C6: variants seen among roughly 807,000 people sequenced by gnomAD.
C6 encodes complement C6, also known as complement component C6.
In C6, 101 loss-of-function variants were observed where a neutral mutation model predicts 112.9. The ratio of observed to expected loss-of-function variants is 0.89; its 90% CI spans 0.76 to 1.06. The LOEUF (loss-of-function observed/expected upper bound fraction) is 1.06, where lower values mean the gene tolerates loss of function less well. C6 is among the 50% of genes least tolerant of loss of function. The pLI, the probability that C6 is intolerant of heterozygous loss-of-function variation, is 0.00. For synonymous variants in C6, 431 were observed against 384.1 expected, an observed-to-expected ratio of 1.12 and a Z score of -1.43; for missense variants, 1,202 against 1,104.6, an observed-to-expected ratio of 1.09 and a Z score of -1.25.
chr5:41,211,901 A>C (rs1751963127), intron 1 of C6, among the ~76,000 whole-genome samples: 1 of 152,168 alleles, frequency 6.6e-6, no homozygotes, highest in African/African-American at 2.4e-5. Flanking sequence ...ACTGTCTTTT[A>C]ACTTCCAAAA....
rs1355085655 is a variant in C6 at position 41,195,691 on chromosome 5, A to T, written c.587+101T>A. 5 of 1,241,536 alleles carry T rather than the reference A, an allele frequency of 4.0e-6. No homozygotes were observed. The East Asian group carries it at 7.0e-5, about 17-fold the overall frequency. The allele number at this position is 1,241,536 out of a possible 1,614,324, so 76.9% of individuals were successfully genotyped here. On this transcript the variant is annotated intron_variant, in intron 5 of 17. Coordinates refer to ENST00000337836, the MANE Select transcript of C6 (RefSeq NM_000065.5). ...AGATAGGGCTGGTAGGAGTAGTAAG[A>T]AGTTAATGAGGAAGATGGACAATGA... is the stretch of plus-strand genomic sequence containing the variant.
chr5:41,201,420 A>C, intron 3 of C6, 138 bp downstream of exon 3: 2 of 864,684 alleles, frequency 2.3e-6, no homozygotes, highest in Non-Finnish European at 3.7e-6. Context: ...GCTAAATGGA[A>C]TTTTCCCTCA....
At chr5:41,211,445 G>A (rs920994181) in intron 1 of C6, among the ~76,000 whole-genome samples, 1 of 151,932 alleles carries the variant, frequency 6.6e-6, no homozygotes, top group South Asian at 2.1e-4. Context: ...CTAGTTCGTC[G>A]GTAAGTAACT....
In C6 at chr5:41,176,613, G is replaced by A. The variant is rs1748873618; in HGVS notation, c.1030C>T (p.His344Tyr). 2 of 1,613,872 alleles carry A rather than the reference G, an allele frequency of 1.2e-6. No individual in the cohort carries two copies. The highest frequency in any genetic ancestry group is 1.3e-5 in the African/African-American group (1 of 75,016). ...LSDVFLKALN[H>Y]LPLEYNSALY... is the part of the protein sequence containing the mutation. ...GCAGAGTTGTATTCTAGAGGCAGAT[G>A]GTTAAGTGCTTTCAAAAAGACATCA... The change falls in exon 8 of 18, where the codon CAT becomes TAT. Residue 344 changes from histidine to tyrosine, a missense_variant. Coordinates refer to ENST00000337836, the MANE Select transcript of C6 (RefSeq NM_000065.5).
chr5:41,226,031 C>A (rs1022295777), intron 1 of C6, among the ~76,000 whole-genome samples: 1 of 152,182 alleles, frequency 6.6e-6, no homozygotes, highest in Non-Finnish European at 1.5e-5. Flanking sequence ...CCATTCAGGA[C>A]ATAGGCATGG....
chr5:41,159,156 G>T lies in C6; in HGVS notation c.1782C>A (p.Pro594=), dbSNP rs545271270. Residue 594 remains proline, a synonymous_variant, in exon 12 of 18, where the codon CCC becomes CCA. Transcript: ENST00000337836. ...SRTRECNNPA[P]QRGGKRCEGE... ...CCTCACAGCGTTTCCCTCCTCGTTG[G>T]GGGGCAGGATTATTGCATTCTCGGG... The T allele has an allele frequency of 1.2e-6, 2 of 1,613,492 alleles. No individual in the cohort carries two copies. Among genetic ancestry groups the T allele is most frequent in the Non-Finnish European group, 1.7e-6 (2 of 1,179,736 alleles).
At chr5:41,155,743 A>C (rs1424321104) in intron 13 of C6, among the ~76,000 whole-genome samples, 1 of 151,976 alleles carries the variant, frequency 6.6e-6, no homozygotes, top group African/African-American at 2.4e-5. Context: ...CAAAAACCAA[A>C]AAACAAACAA....
intron 7 of C6, among the ~76,000 whole-genome samples, chr5:41,180,119 T>C (rs1310041061): frequency 6.6e-6 from 1 of 152,182 alleles, no homozygotes; most frequent in African/African-American, 2.4e-5. Flanking sequence ...GGGAAAACTA[T>C]CCACACAGTG....
intron 6 of C6, among the ~76,000 whole-genome samples, chr5:41,184,461 A>C (rs1182710576): frequency 6.9e-6 from 1 of 145,646 alleles, no homozygotes. Flanking sequence ...AATAAGCCTA[A>C]ATTTTCTTTT....
chr5:41,239,107 C>CT (rs1740526663), intron 1 of C6, among the ~76,000 whole-genome samples: 5 of 113,698 alleles, frequency 4.4e-5, no homozygotes, highest in African/African-American at 1.5e-4. Flanking sequence ...CTTTTCTTTT[C>CT]TTTCTTTTTT....
intron 1 of C6, chr5:41,212,949 C>G (rs1259229457): frequency 6.6e-6 from 1 of 152,170 alleles, no homozygotes; most frequent in Non-Finnish European, 1.5e-5. Context: ...TTATCCCCAG[C>G]TATAGGTTCT....
chr5:41,221,041 A>AC (rs1488034145), intron 1 of C6, among the ~76,000 whole-genome samples: 1 of 151,698 alleles, frequency 6.6e-6, no homozygotes, highest in African/African-American at 2.4e-5. Context: ...GCTAAAAAAA[A>AC]AAATAGAAAC....
chr5:41,180,296 G>T (rs1039116779), intron 7 of C6, among the ~76,000 whole-genome samples: 9 of 152,230 alleles, frequency 5.9e-5, no homozygotes, highest in African/African-American at 1.9e-4. Flanking sequence ...CCATGATTCA[G>T]GGCTCATTCT....
intron 13 of C6, among the ~76,000 whole-genome samples, chr5:41,158,182 C>T (rs1419067962): frequency 4.0e-5 from 6 of 151,742 alleles, no homozygotes; most frequent in Admixed American, 3.9e-4. Flanking sequence ...ATCATAGAAA[C>T]ATGTTGTGGC....
rs552042928 is a variant in C6, at chr5:41,142,932, T to A, written c.2698A>T (p.Met900Leu). 6.2e-7 allele frequency: 1 copy of A among 1,613,546 alleles called. No individual in the cohort carries two copies. Among genetic ancestry groups the A allele is most frequent in the Non-Finnish European group, 8.5e-7 (1 of 1,179,700 alleles). ...KGGNQLYCVK[M>L]GSSTSEKTLN... ...GTTTTCTCACTTGTTGATGATCCCA[T>A]TTTGACACAGTAGAGTTGGTTTCCA... The change falls in exon 18 of 18, where the codon ATG (methionine) becomes TTG (leucine). Residue 900 changes from methionine to leucine, a missense_variant. Physicochemically the swap from Met to Leu is conservative, Grantham distance 15. Transcript: ENST00000337836.
At chr5:41,223,774 T>C (rs1344586362) in intron 1 of C6, among the ~76,000 whole-genome samples, 2 of 152,180 alleles carry the variant, frequency 1.3e-5, no homozygotes, top group Non-Finnish European at 2.9e-5. Context: ...TTTTATTTAA[T>C]ATAAGGTTTA....
intron 9 of C6, among the ~76,000 whole-genome samples, chr5:41,171,207 A>G (rs549794064): frequency 8.7e-4 from 132 of 152,280 alleles, no homozygotes; most frequent in African/African-American, 3.1e-3. Flanking sequence ...GGTAGAATGA[A>G]TTGTGCATGG....
At chr5:41,154,244 A>G (rs1438565371) in intron 14 of C6, among the ~76,000 whole-genome samples, 1 of 152,216 alleles carries the variant, frequency 6.6e-6, no homozygotes. Context: ...CTCCAGACAC[A>G]TCCAACTTTT....
At chr5:41,183,913 G>A (rs550537380) in intron 6 of C6, among the ~76,000 whole-genome samples, 13 of 151,674 alleles carry the variant, frequency 8.6e-5, no homozygotes, top group African/African-American at 3.1e-4. Flanking sequence ...TCACTTATAA[G>A]TGAGAGCTAA....
Sources: allele counts gnomAD v4.1 joint callset (sites outside exome capture counted in the v4.1 genomes callset), GRCh38; gene constraint gnomAD v4.1.1; transcripts MANE v1.5; gene names NCBI Gene and HGNC (gene_info 2026-07-23, HGNC 2026-07-21).